SLC1A6: variants seen among roughly 807,000 people sequenced by gnomAD.
SLC1A6 encodes the protein excitatory amino acid transporter 4.
A neutral mutation model predicts 42.1 loss-of-function variants in SLC1A6; 15 were observed. That is an observed-to-expected ratio of 0.36 (90% CI 0.24 to 0.55). The LOEUF (loss-of-function observed/expected upper bound fraction) is 0.55, where lower values mean the gene tolerates loss of function less well. Among genes scored for constraint, SLC1A6 ranks in the 20% least tolerant of loss-of-function variants. SLC1A6 has a pLI of 0.88. For synonymous variants in SLC1A6, 317 were observed against 319.7 expected, an observed-to-expected ratio of 0.99 and a Z score of 0.09; for missense variants, 542 against 772.5, an observed-to-expected ratio of 0.70 and a Z score of 3.54.
chr19:14,978,542 T>G (rs73927898), intron 1 of SLC1A6, among the ~76,000 whole-genome samples: 1,814 of 151,690 alleles, frequency 0.012, 37 homozygotes, highest in African/African-American at 0.042. Flanking sequence ...CCTTCAGAAA[T>G]GCAGCTCCAT....
Position 14,978,573 on chromosome 19 carries a change from T to TAC in SLC1A6, c.-8+734_-8+735dup, listed in dbSNP as rs1427588085. Among the ~76,000 whole-genome samples, 12 of 151,552 alleles carry TAC rather than the reference T, an allele frequency of 7.9e-5. No individual in the cohort carries two copies. In the South Asian group the frequency reaches 1.0e-3, roughly 13 times the overall value. On this transcript the variant is annotated intron_variant, in intron 1 of 9. Coordinates refer to ENST00000594383, the MANE Select transcript of SLC1A6 (RefSeq NM_005071.3). The stretch of plus-strand genomic sequence containing the variant: ...TCCATGCATGCAGTCATACAATCCC[T>TAC]ACACACACACACTTCCCACATTCAT...
At chr19:14,984,592 G>A (rs924774249), upstream of SLC1A6, among the ~76,000 whole-genome samples, 2 of 152,172 alleles carry the variant, frequency 1.3e-5, no homozygotes, top group African/African-American at 4.8e-5. Flanking sequence ...CAGTTGCAAT[G>A]CAGAATTGGA....
intron 1 of SLC1A6, among the ~76,000 whole-genome samples, chr19:14,975,580 C>A (rs2145211348): frequency 6.6e-6 from 1 of 151,954 alleles, no homozygotes; most frequent in South Asian, 2.1e-4. Flanking sequence ...CATGGCGAAA[C>A]CCCATCTCTA....
chr19:14,982,409 A>C (rs1038860964), upstream of SLC1A6, among the ~76,000 whole-genome samples: 9 of 151,916 alleles, frequency 5.9e-5, no homozygotes, highest in Non-Finnish European at 1.0e-4. Context: ...GGTGCCTGTA[A>C]TCCCAGCTAC....
chr19:14,954,263 G>A lies in SLC1A6; in HGVS notation c.1236C>T (p.Thr412=), dbSNP rs759169927. 13 of 1,613,734 alleles carry A rather than the reference G, an allele frequency of 8.1e-6. No individual in the cohort carries two copies. Among genetic ancestry groups the A allele is most frequent in the South Asian group, 1.1e-5 (1 of 91,090 alleles). The part of the protein sequence containing the change: ...EEGLGVDRRI[T]RFVLPVGATV... ...TGGCGCCCACGGGCAGGACGAACCT[G>A]GTGATGCGGCGGTCCACACCCAGGC... The change falls in exon 8 of 10, where the codon ACC becomes ACT. Residue 412 remains threonine (T), a synonymous_variant. Coordinates refer to ENST00000594383, the MANE Select transcript of SLC1A6 (RefSeq NM_005071.3).
In SLC1A6 at chr19:15,004,953, G is replaced by A. The variant is rs573100001; in HGVS notation, c.6+5532C>T. Among the ~76,000 whole-genome samples, 14 of 152,284 alleles carry A rather than the reference G, an allele frequency of 9.2e-5. No individual in the cohort carries two copies. The South Asian group carries it at 2.7e-3, about 29-fold the overall frequency. ...GAAAATGAGAGCTAATCCCAGCCCA[G>A]CAATGAATGGTTCCTTCCAGACAGG... On this transcript the variant is annotated intron_variant, in intron 1 of 8. Coordinates refer to the SLC1A6 transcript ENST00000430939.
intron 1 of SLC1A6, chr19:14,973,134 C>T: frequency 1.8e-6 from 1 of 548,432 alleles, no homozygotes; most frequent in Non-Finnish European, 3.2e-6. Context: ...GCCTGGGCAG[C>T]TAGGGGTGGT....
intron 1 of SLC1A6, among the ~76,000 whole-genome samples, chr19:15,002,095 T>C (rs2045874962): frequency 6.6e-6 from 1 of 151,968 alleles, no homozygotes; most frequent in Non-Finnish European, 1.5e-5. Context: ...TTATTATTGT[T>C]TTATTTTGTT....
At chr19:14,954,428 G>A (rs2045442602) in intron 7 of SLC1A6, 99 bp from the exon 8 acceptor site, 10 of 1,097,234 alleles carry the variant, frequency 9.1e-6, no homozygotes, top group Non-Finnish European at 1.3e-5. Context: ...AGAATGGGGC[G>A]TGGCCGAAGA....
Position 14,999,223 on chromosome 19 carries a change from G to T in SLC1A6, c.6+11262C>A, listed in dbSNP as rs1284217372. Among the ~76,000 whole-genome samples, 2 of 152,188 alleles carry T rather than the reference G, an allele frequency of 1.3e-5. 1 individual carries two copies. The highest frequency in any genetic ancestry group is 4.1e-4 in the South Asian group (2 of 4,824). On this transcript the variant is annotated intron_variant, in intron 1 of 8. Coordinates refer to the SLC1A6 transcript ENST00000430939. Reference sequence around the variant, plus strand: ...TCTCTCTGAAGCCTGCTACCTGGTGGCTTCATCTGCAAAATAAGAACCTTG... The same window carrying T: ...TCTCTCTGAAGCCTGCTACCTGGTGTCTTCATCTGCAAAATAAGAACCTTG...
At chr19:14,990,791 A>C (rs74686851) in intron 1 of SLC1A6, among the ~76,000 whole-genome samples, 2,076 of 81,938 alleles carry the variant, frequency 0.025, 36 homozygotes, top group Admixed American at 0.021. Context: ...CAAAACAAAA[A>C]AAAAAAAAAA....
intron 1 of SLC1A6, among the ~76,000 whole-genome samples, chr19:14,999,928 T>C (rs1342457350): frequency 6.6e-6 from 1 of 152,188 alleles, no homozygotes; most frequent in Non-Finnish European, 1.5e-5. Context: ...ATGTGCTATG[T>C]TGGTGTGCTG....
At chr19:14,975,870 G>GAAAGGCAAGGGGAC (rs2045702726) in intron 1 of SLC1A6, among the ~76,000 whole-genome samples, 1 of 50,870 alleles carries the variant, frequency 2.0e-5, no homozygotes. Flanking sequence ...GGAAGGGAAG[G>GAAAGGCAAGGGGAC]AAAGGGAAGG....
chr19:14,950,429 T>C (rs1281623619), intron 9 of SLC1A6, 39 bp from the exon 10 acceptor site: 1 of 1,460,514 alleles, frequency 6.8e-7, no homozygotes, highest in Non-Finnish European at 9.2e-7. Flanking sequence ...TAATGGGGGC[T>C]TGAAAAGCTT....
rs557634701 is a variant in SLC1A6, at chr19:14,963,253, T to C, written c.592-908A>G. 9.2e-5 allele frequency among the ~76,000 whole-genome samples: 14 copies of C among 151,928 alleles called. No homozygotes were observed. The East Asian group carries it at 2.3e-3, about 25-fold the overall frequency. ...CACTTATATGTGAAATTTAAAAGAG[T>C]TGGACTCATAGAAGCAGAAAATAGA... On this transcript the variant is annotated intron_variant, in intron 5 of 9. Transcript: ENST00000594383.
intron 4 of SLC1A6, 41 bp from the exon 5 acceptor site, chr19:14,964,402 G>A (rs772454444): frequency 6.4e-7 from 1 of 1,550,848 alleles, no homozygotes; most frequent in Non-Finnish European, 8.9e-7. Flanking sequence ...GTTAGACCAT[G>A]GAAGGGCATC....
At position 14,996,033 on chromosome 19, in the gene SLC1A6, A is replaced by G. The variant is rs759702542; in HGVS notation, c.6+14452T>C. 4.7e-4 allele frequency among the ~76,000 whole-genome samples: 71 copies of G among 152,214 alleles called. 1 individual carries two copies. The highest frequency in any genetic ancestry group is 1.6e-3 in the Admixed American group (24 of 15,272). ...ATCTGAAAAATGCAGAAAGAATAGA[A>G]GGAAACACGGTAGAAAAAATTCAAC... On this transcript the variant is annotated intron_variant, in intron 1 of 8. Transcript: ENST00000430939.
intron 8 of SLC1A6, 22 bp from the exon 9 acceptor site, chr19:14,953,084 G>A (rs755502708): frequency 2.6e-5 from 42 of 1,601,290 alleles, no homozygotes; most frequent in Non-Finnish European, 3.5e-5. Flanking sequence ...GGGAGAACAT[G>A]GGGAGCAGAT....
At chr19:14,960,927 T>TC (rs2045504438) in intron 6 of SLC1A6, among the ~76,000 whole-genome samples, 1 of 69,692 alleles carries the variant, frequency 1.4e-5, no homozygotes, top group Non-Finnish European at 2.4e-5. Flanking sequence ...AAGTGGTCTC[T>TC]CCCTTTTTTT....
Sources: gnomAD v4.1 joint callset for allele counts (sites outside exome capture counted in the v4.1 genomes callset) on GRCh38, gnomAD v4.1.1 for gene constraint, MANE v1.5 for transcripts, NCBI Gene and HGNC (gene_info 2026-07-23, HGNC 2026-07-21) for gene names.